Variants in EPSTI1 observed in about 807,000 individuals in gnomAD.
EPSTI1 encodes the protein epithelial stromal interaction 1.
Under a neutral mutation model 49.9 loss-of-function variants are expected in EPSTI1, and 66 were observed. The observed-to-expected ratio is 1.32, with a 90% confidence interval of 1.08 to 1.62. The LOEUF is 1.62. Among genes scored for constraint, EPSTI1 ranks in the 40% most tolerant of loss-of-function variants. The pLI is 0.00. For missense variants in EPSTI1, 394 were observed against 365.5 expected (o/e 1.08, Z -0.64); for synonymous variants, 137 against 130.7 (o/e 1.05, Z -0.33).
At chr13:42,944,549 T>C (rs564535207) in intron 6 of EPSTI1, among the ~76,000 whole-genome samples, 1 of 152,220 alleles carries the variant, frequency 6.6e-6, no homozygotes, top group African/African-American at 2.4e-5. Context: ...GGGATAGCAT[T>C]AGGAGAAATA....
chr13:42,903,698 G>A (rs1362024084), intron 8 of EPSTI1, among the ~76,000 whole-genome samples: 12 of 152,162 alleles, frequency 7.9e-5, no homozygotes, highest in African/African-American at 2.7e-4. Context: ...TGGACTAGCC[G>A]ACTACTGTAA....
intron 1 of EPSTI1, among the ~76,000 whole-genome samples, chr13:42,975,661 C>T (rs921364184): frequency 2.6e-5 from 4 of 152,198 alleles, no homozygotes; most frequent in Non-Finnish European, 5.9e-5. Context: ...GGTAATCCCA[C>T]ACTAAGATAC....
At chr13:42,899,491 TC>T (rs2037294000) in intron 9 of EPSTI1, among the ~76,000 whole-genome samples, 1 of 152,144 alleles carries the variant, frequency 6.6e-6, no homozygotes, top group Non-Finnish European at 1.5e-5. Flanking sequence ...ACAGGGAGCT[TC>T]CACTGAATGC....
At chr13:42,944,857 A>G (rs1360087905) in intron 6 of EPSTI1, among the ~76,000 whole-genome samples, 3 of 152,204 alleles carry the variant, frequency 2.0e-5, no homozygotes, top group African/African-American at 7.2e-5. Flanking sequence ...TGTAGAAACT[A>G]TAATAGTGAC....
intron 7 of EPSTI1, 105 bp from the exon 8 acceptor site, chr13:42,917,729 A>C: frequency 5.1e-6 from 4 of 780,862 alleles, no homozygotes; most frequent in Non-Finnish European, 8.3e-6. Context: ...CTAATAACTC[A>C]ACCTCCGTAC....
chr13:42,949,567 G>C (rs892623763), intron 6 of EPSTI1, among the ~76,000 whole-genome samples: 2 of 150,380 alleles, frequency 1.3e-5, no homozygotes, highest in Admixed American at 1.3e-4. Flanking sequence ...ACTCCAGCCT[G>C]GGCAACAGAA....
At chr13:42,967,803 C>T (rs2039661648) in intron 3 of EPSTI1, among the ~76,000 whole-genome samples, 1 of 152,070 alleles carries the variant, frequency 6.6e-6, no homozygotes, top group Non-Finnish European at 1.5e-5. Flanking sequence ...CATTACGAAC[C>T]CCGAACTCTC....
chr13:42,918,783 A>G (rs2037910497), intron 7 of EPSTI1, among the ~76,000 whole-genome samples: 1 of 152,202 alleles, frequency 6.6e-6, no homozygotes, highest in Non-Finnish European at 1.5e-5. Context: ...TCTTATTTGC[A>G]TCCTAAACTC....
At chr13:42,956,506 G>A (rs758329071) in intron 5 of EPSTI1, among the ~76,000 whole-genome samples, 5 of 152,322 alleles carry the variant, frequency 3.3e-5, no homozygotes, top group South Asian at 2.1e-4. Flanking sequence ...GCAGGCAGGA[G>A]GGGAGTAGGA....
Position 42,984,931 on chromosome 13 carries a change from A to G in EPSTI1, c.188+7047T>C, listed in dbSNP as rs2040051471. 2.0e-5 allele frequency among the ~76,000 whole-genome samples: 3 copies of G among 152,340 alleles called. No individual in the cohort carries two copies. The South Asian group carries it at 6.2e-4, about 32-fold the overall frequency. On this transcript the variant is annotated intron_variant, in intron 1 of 10. Transcript: ENST00000313624. ...GACAGCATGCCAACAACAGACATAA[A>G]TAAGATGTCTAAGTGTTGAGGTTGC...
chr13:42,928,194 A>G (rs574793337), intron 6 of EPSTI1, among the ~76,000 whole-genome samples: 18 of 152,344 alleles, frequency 1.2e-4, no homozygotes, highest in Middle Eastern at 3.4e-3. Flanking sequence ...TATGCGGATT[A>G]CTGCCAAGTG....
intron 8 of EPSTI1, among the ~76,000 whole-genome samples, chr13:42,905,578 CATGAA>C (rs1566104413): frequency 2.0e-5 from 3 of 152,124 alleles, no homozygotes; most frequent in African/African-American, 7.2e-5. Flanking sequence ...AAGCTCGGGA[CATGAA>C]AAGCATCAAA....
At chr13:42,971,206 C>T (rs1003092005) in intron 1 of EPSTI1, among the ~76,000 whole-genome samples, 1 of 152,086 alleles carries the variant, frequency 6.6e-6, no homozygotes, top group African/African-American at 2.4e-5. Context: ...ATCAGGGGCT[C>T]GGAGAAGCAA....
chr13:42,989,687 G>A (rs923762658), intron 1 of EPSTI1, among the ~76,000 whole-genome samples: 7 of 149,860 alleles, frequency 4.7e-5, no homozygotes, highest in Non-Finnish European at 8.9e-5. Flanking sequence ...TCTGCCTCCC[G>A]GGTTCACGCC....
intron 6 of EPSTI1, among the ~76,000 whole-genome samples, chr13:42,939,844 T>A (rs1026100233): frequency 6.6e-6 from 1 of 152,216 alleles, no homozygotes; most frequent in African/African-American, 2.4e-5. Flanking sequence ...AAATGAAATA[T>A]CTGTGAGGTG....
At chr13:42,940,973 A>G (rs575353527) in intron 6 of EPSTI1, among the ~76,000 whole-genome samples, 2 of 152,262 alleles carry the variant, frequency 1.3e-5, no homozygotes, top group African/African-American at 4.8e-5. Flanking sequence ...TTAAGCCTTT[A>G]TCCATTATGT....
At chr13:42,905,438 C>T (rs1451430040) in intron 8 of EPSTI1, among the ~76,000 whole-genome samples, 1 of 152,202 alleles carries the variant, frequency 6.6e-6, no homozygotes, top group African/African-American at 2.4e-5. Context: ...TTCTGCTGAA[C>T]TGACAGCCAC....
chr13:42,897,809 C>T (rs2037238253), intron 9 of EPSTI1, among the ~76,000 whole-genome samples: 2 of 152,112 alleles, frequency 1.3e-5, no homozygotes, highest in South Asian at 2.1e-4. Flanking sequence ...CTCTCAATTC[C>T]TATCAAGAAT....
chr13:42,908,399 T>C (rs576793213), intron 8 of EPSTI1, among the ~76,000 whole-genome samples: 1 of 150,832 alleles, frequency 6.6e-6, no homozygotes, highest in African/African-American at 2.4e-5. Context: ...GTCATGAGAA[T>C]TGTTTGAATC....
Sources: gnomAD v4.1 joint callset for allele counts (sites outside exome capture counted in the v4.1 genomes callset) on GRCh38, gnomAD v4.1.1 for gene constraint, MANE v1.5 for transcripts, NCBI Gene and HGNC (gene_info 2026-07-23, HGNC 2026-07-21) for gene names.